The following GDAP1 variants were observed in gnomAD, a reference collection of about 807,000 sequenced individuals.
GDAP1 encodes the protein ganglioside induced differentiation associated protein 1.
GDAP1 carries 34 observed loss-of-function variants against 40.1 expected under a neutral mutation model. The ratio of observed to expected loss-of-function variants is 0.85; its 90% CI spans 0.64 to 1.13. The LOEUF is 1.13. Ranked by LOEUF, GDAP1 falls within the 50% of genes most tolerant of loss-of-function variation. GDAP1 has a pLI of 0.00. For missense variants in GDAP1, 374 were observed against 433.7 expected, an observed-to-expected ratio of 0.86 and a Z score of 1.22; for synonymous variants, 170 against 157.4, an observed-to-expected ratio of 1.08 and a Z score of -0.60.
intron 2 of GDAP1, among the ~76,000 whole-genome samples, chr8:74,418,535 C>T (rs895330939): frequency 4.6e-5 from 7 of 152,180 alleles, no homozygotes; most frequent in African/African-American, 1.7e-4. Flanking sequence ...ACTCAAATTA[C>T]TTCACATATA....
intron 2 of GDAP1, among the ~76,000 whole-genome samples, chr8:74,397,669 T>C (rs1401369572): frequency 6.6e-6 from 1 of 152,082 alleles, no homozygotes; most frequent in Non-Finnish European, 1.5e-5. Flanking sequence ...TAGTTGTAGA[T>C]ATGCGGCATT....
At chr8:74,455,816 T>G (rs978789253) in intron 2 of GDAP1, among the ~76,000 whole-genome samples, 1 of 151,950 alleles carries the variant, frequency 6.6e-6, no homozygotes, top group African/African-American at 2.4e-5. Flanking sequence ...CATAGCAGAC[T>G]AAATAATCAC....
At chr8:74,481,075 T>C (rs1225164508) in intron 2 of GDAP1, among the ~76,000 whole-genome samples, 1 of 152,230 alleles carries the variant, frequency 6.6e-6, no homozygotes, top group Non-Finnish European at 1.5e-5. Context: ...TTTATAATAA[T>C]CCATTTAGGG....
At chr8:74,478,343 T>G (rs960656461) in intron 2 of GDAP1, among the ~76,000 whole-genome samples, 1 of 152,014 alleles carries the variant, frequency 6.6e-6, no homozygotes, top group African/African-American at 2.4e-5. Context: ...TGGTTGAGTG[T>G]ATGCAGGCAA....
intron 2 of GDAP1, among the ~76,000 whole-genome samples, chr8:74,400,852 C>T (rs10091719): frequency 0.51 from 74,813 of 146,606 alleles, 20,150 homozygotes; most frequent in African/African-American, 0.62. Flanking sequence ...GTTGAAAATT[C>T]TTTTCTTTAA....
intron 2 of GDAP1, among the ~76,000 whole-genome samples, chr8:74,447,010 A>G (rs898121579): frequency 6.6e-6 from 1 of 152,142 alleles, no homozygotes; most frequent in African/African-American, 2.4e-5. Flanking sequence ...TGAACATACT[A>G]AAAACCACTA....
In GDAP1 at chr8:74,444,019, T is replaced by TATCTATC. The variant is rs148084418; in HGVS notation, c.166-44645_166-44639dup. Among the ~76,000 whole-genome samples, 157 of 112,146 alleles carry TATCTATC rather than the reference T, an allele frequency of 1.4e-3. 1 individual carries two copies. Among genetic ancestry groups the TATCTATC allele is most frequent in the African/African-American group, 4.4e-3 (151 of 34,270 alleles). 73.6% of individuals were successfully genotyped at this position (112,146 alleles called of 152,430 possible). A position where few individuals can be genotyped will look rare whatever the true frequency, so the allele number is the denominator to read the frequency against. ...CTATCTATCTATCTATCTATCTATC[T>TATCTATC]ATCTATCATCTATCATCTATTATAG... On this transcript the variant is annotated intron_variant, in intron 2 of 2. Coordinates refer to the GDAP1 transcript ENST00000523640.
At chr8:74,473,177 G>A (rs1472343381) in intron 2 of GDAP1, among the ~76,000 whole-genome samples, 2 of 151,288 alleles carry the variant, frequency 1.3e-5, no homozygotes, top group Admixed American at 6.6e-5. Flanking sequence ...GTAAGTTCTT[G>A]ATAGATGGTG....
At chr8:74,396,601 T>C (rs941566891) in intron 2 of GDAP1, among the ~76,000 whole-genome samples, 4 of 151,170 alleles carry the variant, frequency 2.6e-5, no homozygotes, top group African/African-American at 7.3e-5. Context: ...TGAGAACATG[T>C]GGTGTTTGGT....
intron 2 of GDAP1, among the ~76,000 whole-genome samples, chr8:74,353,822 T>C (rs192645541): frequency 3.3e-4 from 51 of 152,346 alleles, no homozygotes; most frequent in African/African-American, 1.1e-3. Context: ...AGCACTGGTG[T>C]AAATTACTGT....
At chr8:74,445,706 C>T (rs947555945) in intron 2 of GDAP1, among the ~76,000 whole-genome samples, 3 of 152,058 alleles carry the variant, frequency 2.0e-5, no homozygotes, top group African/African-American at 7.2e-5. Context: ...TAGAAAGTTG[C>T]CTTTTTATAT....
chr8:74,435,063 A>G (rs1026087793), intron 2 of GDAP1, among the ~76,000 whole-genome samples: 5 of 152,202 alleles, frequency 3.3e-5, no homozygotes, highest in African/African-American at 7.2e-5. Context: ...TATTATTTCT[A>G]TTCTACTAAC....
chr8:74,375,962 AT>A (rs1344229052), intron 2 of GDAP1, among the ~76,000 whole-genome samples: 2 of 152,232 alleles, frequency 1.3e-5, no homozygotes, highest in Non-Finnish European at 2.9e-5. Context: ...CAATTGTTGT[AT>A]TTGCACTAAC....
At chr8:74,470,217 T>C (rs1024656804) in intron 2 of GDAP1, among the ~76,000 whole-genome samples, 2 of 152,160 alleles carry the variant, frequency 1.3e-5, no homozygotes, top group African/African-American at 2.4e-5. Context: ...TATGAATCTT[T>C]TAAAATTTCC....
intron 2 of GDAP1, among the ~76,000 whole-genome samples, chr8:74,374,567 CT>C (rs745898433): frequency 6.6e-6 from 1 of 152,170 alleles, no homozygotes; most frequent in East Asian, 1.9e-4. Context: ...AAAATTCATC[CT>C]TGGAAAGACT....
chr8:74,390,841 G>A (rs967213932), intron 2 of GDAP1, among the ~76,000 whole-genome samples: 9 of 152,208 alleles, frequency 5.9e-5, no homozygotes, highest in Admixed American at 1.3e-4. Flanking sequence ...CTATAAGCCC[G>A]TTACTGGGGC....
intron 2 of GDAP1, among the ~76,000 whole-genome samples, chr8:74,377,235 A>ACAC (rs61649307): frequency 1 from 152,141 of 152,258 alleles, 76,013 homozygotes; most frequent in Non-Finnish European, 1. Context: ...TTTCTTAAAG[A>ACAC]CATTAAGAAA....
intron 2 of GDAP1, among the ~76,000 whole-genome samples, chr8:74,432,461 G>A (rs995769764): frequency 1.3e-5 from 2 of 152,032 alleles, no homozygotes; most frequent in African/African-American, 4.8e-5. Context: ...CCAGTATTTA[G>A]TAAATAAAAC....
At chr8:74,456,847 G>T (rs555222361) in intron 2 of GDAP1, among the ~76,000 whole-genome samples, 2 of 152,036 alleles carry the variant, frequency 1.3e-5, no homozygotes, top group Non-Finnish European at 2.9e-5. Flanking sequence ...ATTCTGATGT[G>T]TGATGAAGTT....
Sources: gnomAD v4.1 joint callset for allele counts (sites outside exome capture counted in the v4.1 genomes callset) on GRCh38, gnomAD v4.1.1 for gene constraint, MANE v1.5 for transcripts, NCBI Gene and HGNC (gene_info 2026-07-23, HGNC 2026-07-21) for gene names.